Variants in STIM1 observed in about 807,000 individuals in gnomAD.
The protein encoded by STIM1 is stromal interaction molecule 1.
A neutral mutation model predicts 74.7 loss-of-function variants in STIM1; 25 were observed. That is an observed-to-expected ratio of 0.33 (90% CI 0.24 to 0.47). STIM1 has a LOEUF of 0.47. Ranked by LOEUF, STIM1 falls within the 20% of genes least tolerant of loss-of-function variation. The pLI is 1.00. For missense variants in STIM1, 728 were observed against 920.8 expected, an observed-to-expected ratio of 0.79 and a Z score of 2.71; for synonymous variants, 328 against 348.8, an observed-to-expected ratio of 0.94 and a Z score of 0.66.
chr11:3,967,455 G>C (rs1177708891), intron 1 of STIM1, 97 bp from the exon 2 acceptor site: 5 of 1,587,548 alleles, frequency 3.1e-6, no homozygotes, highest in Non-Finnish European at 4.3e-6. Context: ...GCCTACATGA[G>C]GAGTCAGATG....
chr11:4,003,090 T>A (rs1940915553), intron 2 of STIM1, among the ~76,000 whole-genome samples: 1 of 147,920 alleles, frequency 6.8e-6, no homozygotes, highest in East Asian at 2.0e-4. Flanking sequence ...ATTGTGGCAA[T>A]AATCAATAGC....
intron 6 of STIM1, among the ~76,000 whole-genome samples, chr11:4,073,491 G>T (rs1590690971): frequency 6.6e-6 from 1 of 152,234 alleles, no homozygotes; most frequent in Non-Finnish European, 1.5e-5. Flanking sequence ...GTCTTTGTTG[G>T]AGTAAATCAT....
At chr11:3,958,929 C>T (rs1049206692) in intron 1 of STIM1, among the ~76,000 whole-genome samples, 2 of 146,862 alleles carry the variant, frequency 1.4e-5, no homozygotes, top group African/African-American at 5.1e-5. Context: ...TGGGCCTGGG[C>T]GACAAGAGCA....
chr11:4,088,047 A>C (rs1294705310), intron 12 of STIM1, among the ~76,000 whole-genome samples: 1 of 152,082 alleles, frequency 6.6e-6, no homozygotes, highest in Non-Finnish European at 1.5e-5. Flanking sequence ...TTGGCTTTCC[A>C]TTCCAGAATA....
intron 5 of STIM1, among the ~76,000 whole-genome samples, chr11:4,067,970 C>G (rs1311720625): frequency 2.0e-5 from 3 of 152,216 alleles, no homozygotes; most frequent in Middle Eastern, 3.2e-3. Context: ...CTTCTTTTAT[C>G]AAGCTTGGTA....
chr11:4,065,088 G>A (rs1202037590), intron 5 of STIM1, among the ~76,000 whole-genome samples: 8 of 152,288 alleles, frequency 5.3e-5, no homozygotes, highest in South Asian at 4.1e-4. Context: ...AATTTTTAAT[G>A]TGTGCCTACA....
At position 4,034,147 on chromosome 11, in the gene STIM1, T is replaced by A. The variant is rs1369892159; in HGVS notation, c.385+10160T>A. Among the ~76,000 whole-genome samples, 6 of 152,014 alleles carry A rather than the reference T, an allele frequency of 3.9e-5. No individual in the cohort carries two copies. The East Asian group carries it at 1.2e-3, about 30-fold the overall frequency. ...GGGAGGCTGAGGCAGGAGAATCGCTTGAACCCAGGAGGCGGAGGTTGCAGT... is the reference window on the plus strand; with the variant it reads ...GGGAGGCTGAGGCAGGAGAATCGCTAGAACCCAGGAGGCGGAGGTTGCAGT... On this transcript the variant is annotated intron_variant, in intron 3 of 12. Transcript: ENST00000526596.
At chr11:4,053,264 A>G (rs573571915) in intron 3 of STIM1, among the ~76,000 whole-genome samples, 132 of 152,376 alleles carry the variant, frequency 8.7e-4, no homozygotes, top group Non-Finnish European at 1.4e-3. Context: ...TCATGCTGCT[A>G]TAAAGACACA....
intron 7 of STIM1, among the ~76,000 whole-genome samples, chr11:4,075,364 C>A (rs1179252704): frequency 1.3e-5 from 2 of 152,098 alleles, no homozygotes; most frequent in Non-Finnish European, 2.9e-5. Flanking sequence ...TCTCAGCACC[C>A]CAGGAAACTC....
At chr11:4,026,822 A>C (rs2094001692) in intron 3 of STIM1, among the ~76,000 whole-genome samples, 1 of 152,192 alleles carries the variant, frequency 6.6e-6, no homozygotes, top group Non-Finnish European at 1.5e-5. Context: ...CTCCATTTCC[A>C]GCACATCAGA....
At chr11:3,854,948 G>T (rs950199764), upstream of STIM1, 2 of 152,362 alleles carry the variant, frequency 1.3e-5, no homozygotes, top group African/African-American at 4.8e-5. Context: ...GCCCTCGTGG[G>T]CCTCCCCCGG....
At chr11:3,938,011 G>C (rs906057612) in intron 1 of STIM1, among the ~76,000 whole-genome samples, 2 of 150,640 alleles carry the variant, frequency 1.3e-5, no homozygotes, top group Non-Finnish European at 2.9e-5. Flanking sequence ...TTGGCTCACT[G>C]CAACCTCCGC....
At position 3,856,284 on chromosome 11, in the gene STIM1, T is replaced by A; in HGVS notation, c.14T>A (p.Val5Asp). Reference sequence around the variant, plus strand: ...AGACCTAGAGTCATGGATGTATGCGTCCGTCTTGCCCTGTGGCTCCTCTGG... The same window carrying A: ...AGACCTAGAGTCATGGATGTATGCGACCGTCTTGCCCTGTGGCTCCTCTGG... MDVC[V>D]RLALWLLWGL... is the part of the protein sequence containing the mutation. The change falls in exon 1 of 13, where the codon GTC (valine) becomes GAC (aspartate). Residue 5 changes from valine to aspartate, a missense_variant. Coordinates refer to ENST00000526596, the MANE Select transcript of STIM1 (RefSeq NM_001382567.1). 6.2e-7 allele frequency: 1 copy of A among 1,614,098 alleles called. No individual in the cohort carries two copies.
chr11:4,032,282 C>T (rs7117657), intron 3 of STIM1, among the ~76,000 whole-genome samples: 7,051 of 152,108 alleles, frequency 0.046, 513 homozygotes, highest in African/African-American at 0.15. Flanking sequence ...GAGTTGGAGT[C>T]CAGCCAGGGC....
chr11:3,922,331 T>G (rs2135526414), intron 1 of STIM1, among the ~76,000 whole-genome samples: 1 of 152,310 alleles, frequency 6.6e-6, no homozygotes, highest in South Asian at 2.1e-4. Context: ...GATATGTATA[T>G]GTGTATTTAA....
At chr11:3,876,769 T>C (rs2091319588) in intron 1 of STIM1, among the ~76,000 whole-genome samples, 1 of 152,176 alleles carries the variant, frequency 6.6e-6, no homozygotes, top group Non-Finnish European at 1.5e-5. Flanking sequence ...ACCTACTAAA[T>C]ACATGATGTG....
At chr11:4,082,408 C>T (rs1350362571) in intron 8 of STIM1, 57 bp downstream of exon 8, 1 of 1,507,398 alleles carries the variant, frequency 6.6e-7, no homozygotes, top group African/African-American at 1.4e-5. Flanking sequence ...TCCTTTTTAC[C>T]TGCATATCTT....
At chr11:3,941,813 A>C (rs931222343) in intron 1 of STIM1, among the ~76,000 whole-genome samples, 7 of 151,752 alleles carry the variant, frequency 4.6e-5, no homozygotes, top group Non-Finnish European at 7.4e-5. Flanking sequence ...CAGCCTCCTG[A>C]GTACCTGGGA....
chr11:4,059,439 C>T (rs1161052363), intron 5 of STIM1, 43 bp downstream of exon 5: 1 of 1,569,534 alleles, frequency 6.4e-7, no homozygotes, highest in Non-Finnish European at 8.8e-7. Flanking sequence ...GCCATGGAAA[C>T]CAAAGCTGTT....
Sources: gnomAD v4.1 joint callset for allele counts (sites outside exome capture counted in the v4.1 genomes callset) on GRCh38, gnomAD v4.1.1 for gene constraint, MANE v1.5 for transcripts, NCBI Gene and HGNC (gene_info 2026-07-23, HGNC 2026-07-21) for gene names.